The following CDT1 variants were observed in gnomAD, a reference collection of about 807,000 sequenced individuals.
The protein encoded by CDT1 is chromatin licensing and DNA replication factor 1.
In CDT1, 66 loss-of-function variants were observed where a neutral mutation model predicts 49.3. That is an observed-to-expected ratio of 1.34 (90% CI 1.10 to 1.64). The LOEUF (loss-of-function observed/expected upper bound fraction) is 1.64, where lower values mean the gene tolerates loss of function less well. Ranked by LOEUF, CDT1 falls within the 40% of genes most tolerant of loss-of-function variation. CDT1 has a pLI of 0.00. For synonymous variants in CDT1, 424 were observed against 347.4 expected, an observed-to-expected ratio of 1.22 and a Z score of -2.45; for missense variants, 958 against 807.7, an observed-to-expected ratio of 1.19 and a Z score of -2.26.
At chr16:88,804,475 TC>T (rs939266697) in intron 1 of CDT1, 69 bp from the exon 2 acceptor site, 2 of 1,571,240 alleles carry the variant, frequency 1.3e-6, no homozygotes, top group Admixed American at 3.6e-5. Context: ...TTCTGATCCT[TC>T]GGGGTCCTCT....
At chr16:88,806,370 G>A in intron 6 of CDT1, 116 bp from the exon 7 acceptor site, 1 of 1,277,926 alleles carries the variant, frequency 7.8e-7, no homozygotes. Flanking sequence ...ACTGGGCAGA[G>A]GCTGAGTGAC....
rs753386686 is a variant in CDT1, at chr16:88,806,523, C to T, written c.971C>T (p.Pro324Leu). Residue 324 changes from proline (P) to leucine (L), a missense_variant, in exon 7 of 10, where the codon CCG (proline) becomes CTG (leucine). By Grantham distance (98) the Pro-to-Leu change is moderately conservative. Coordinates refer to ENST00000301019, the MANE Select transcript of CDT1 (RefSeq NM_030928.4). ...TCCCTGAGCCCCGCCATGGTGGTGC[C>T]GGAGGACCAGCTGACCCGCTGGCAC... is the stretch of plus-strand genomic sequence containing the variant. ...LASLSPAMVV[P>L]EDQLTRWHPR... 1.8e-5 allele frequency: 29 copies of T among 1,610,724 alleles called. No homozygotes were observed. Among genetic ancestry groups the T allele is most frequent in the African/African-American group, 2.7e-5 (2 of 74,916 alleles).
At position 88,807,469 on chromosome 16, in the gene CDT1, T is replaced by C. The variant is rs1420838880; in HGVS notation, c.1464T>C (p.Thr488=). The C allele has an allele frequency of 6.2e-7, 1 of 1,612,936 alleles. No individual in the cohort carries two copies. Among genetic ancestry groups the C allele is most frequent in the African/African-American group, 1.3e-5 (1 of 74,936 alleles). The part of the protein sequence containing the change: ...ACARMVGSCC[T]IMSPGEMEKH... ...CCAGGATGGTGGGCAGCTGTTGTAC[T>C]ATCATGAGCCCTGGTACGTGCAGGG... The change falls in exon 9 of 10, where the codon ACT becomes ACC. Residue 488 remains threonine (T), a synonymous_variant. Coordinates refer to ENST00000301019, the MANE Select transcript of CDT1 (RefSeq NM_030928.4).
rs507329 is a variant in CDT1 at position 88,805,737 on chromosome 16, T to C, written c.700T>C (p.Cys234Arg). ...ATCCTCCCATAGGCGTTTTGAGGAG[T>C]GCAATGTTGGCCAGATCAAAACCGT... ...QDMMRRRFEECNVGQIKTVYP... is the reference protein window; with the variant it reads ...QDMMRRRFEERNVGQIKTVYP... Residue 234 changes from cysteine to arginine, a missense_variant, in exon 5 of 10, where the codon TGC becomes CGC. Physicochemically the swap from Cys to Arg is radical, Grantham distance 180. Coordinates refer to ENST00000301019, the MANE Select transcript of CDT1 (RefSeq NM_030928.4). 1,611,727 of 1,613,060 alleles carry C rather than the reference T, an allele frequency of 1. 805,199 individuals carry two copies. The highest frequency in any genetic ancestry group is 1 in the Middle Eastern group (6,058 of 6,058).
At chr16:88,806,941 C>G (rs894435948) in intron 7 of CDT1, 110 bp from the exon 8 acceptor site, 5 of 1,442,356 alleles carry the variant, frequency 3.5e-6, no homozygotes, top group Admixed American at 1.7e-5. Context: ...ACAGACCACC[C>G]AGTGTGCTGG....
chr16:88,805,882 T>A lies in CDT1; in HGVS notation c.832+13T>A. ...CTGCTGGAGCAGGGTGAGTGCTGGG[T>A]GCGGGACCTCGGTTTCCCCATCTGT... On this transcript the variant is annotated intron_variant, in intron 5 of 9. Transcript: ENST00000301019. 7 of 1,612,350 alleles carry A rather than the reference T, an allele frequency of 4.3e-6. No individual in the cohort carries two copies. Among genetic ancestry groups the A allele is most frequent in the Non-Finnish European group, 5.9e-6 (7 of 1,179,802 alleles).
In CDT1 at chr16:88,808,620, G is replaced by A. The variant is rs1255813162; in HGVS notation, c.*342G>A. 2.8e-6 allele frequency: 1 copy of A among 358,318 alleles called. No individual in the cohort carries two copies. The highest frequency in any genetic ancestry group is 2.1e-5 in the African/African-American group (1 of 47,994). 22.2% of individuals were successfully genotyped at this position (358,318 alleles called of 1,614,324 possible). On this transcript the variant is annotated 3_prime_UTR_variant, in exon 10 of 10. Transcript: ENST00000301019. ...GGGCTCTGTGGCAATATGGGGTTGG[G>A]TAGTGTGGGTGGCAGGCCATCCCCT... is the stretch of plus-strand genomic sequence containing the variant.
In CDT1 at chr16:88,804,879, G is replaced by T. The variant is rs748806867; in HGVS notation, c.469G>T (p.Gly157Cys). The T allele has an allele frequency of 6.3e-7, 1 of 1,588,942 alleles. No homozygotes were observed. The highest frequency in any genetic ancestry group is 2.3e-5 in the East Asian group (1 of 43,398). Residue 157 changes from glycine (G) to cysteine (C), a missense_variant, in exon 3 of 10, where the codon GGC becomes TGC. Transcript: ENST00000301019. The part of the protein sequence containing the change: ...AGESCTPEAE[G>C]RPEEPCGEKA... The stretch of plus-strand genomic sequence containing the variant: ...GGAGTCCTGCACCCCAGAGGCCGAG[G>T]GCCGCCCTGAGGAGCCATGGTGAGT...
chr16:88,804,490 G>T, intron 1 of CDT1, 55 bp from the exon 2 acceptor site: 1 of 1,591,812 alleles, frequency 6.3e-7, no homozygotes, highest in Non-Finnish European at 8.6e-7. Flanking sequence ...GTCCTCTGCA[G>T]AGCCAGGAGC....
At chr16:88,805,165 T>C (rs1415534249) in intron 3 of CDT1, among the ~76,000 whole-genome samples, 1 of 152,240 alleles carries the variant, frequency 6.6e-6, no homozygotes, top group Non-Finnish European at 1.5e-5. Flanking sequence ...TGTCTGCCTC[T>C]GCCCCTGAGA....
chr16:88,806,151 G>C (rs1249396136), intron 6 of CDT1, 30 bp downstream of exon 6: 1 of 1,535,210 alleles, frequency 6.5e-7, no homozygotes, highest in African/African-American at 1.4e-5. Context: ...GCTGTGTGAA[G>C]ATGGTGGCAC....
Position 88,805,723 on chromosome 16 carries a change from G to T in CDT1, c.687-1G>T. 1 of 1,612,940 alleles carries T rather than the reference G, an allele frequency of 6.2e-7. No homozygotes were observed. Among genetic ancestry groups the T allele is most frequent in the South Asian group, 1.1e-5 (1 of 91,086 alleles). The stretch of plus-strand genomic sequence containing the variant: ...CCTGAGCCGCCCCCATCCTCCCATA[G>T]GCGTTTTGAGGAGTGCAATGTTGGC... On this transcript the variant is annotated splice_acceptor_variant, in intron 4 of 9. Transcript: ENST00000301019. LOFTEE classifies it high-confidence loss of function.
At chr16:88,804,441 C>T in intron 1 of CDT1, 104 bp from the exon 2 acceptor site, 2 of 1,441,634 alleles carry the variant, frequency 1.4e-6, no homozygotes, top group Non-Finnish European at 9.5e-7. Context: ...CCAGCCATGC[C>T]CGTCCCAGTT....
At position 88,808,294 on chromosome 16, in the gene CDT1, T is replaced by G. The variant is rs746266376; in HGVS notation, c.*16T>G. 5 of 1,567,526 alleles carry G rather than the reference T, an allele frequency of 3.2e-6. No individual in the cohort carries two copies. The South Asian group carries it at 3.5e-5, about 11-fold the overall frequency. On this transcript the variant is annotated 3_prime_UTR_variant, in exon 10 of 10. Coordinates refer to ENST00000301019, the MANE Select transcript of CDT1 (RefSeq NM_030928.4). ...GGGGCTGTGAGCCTGGGGGCCACTGTGGACAGACGTGGGCTTCAGAAGCTC... is the reference window on the plus strand; with the variant it reads ...GGGGCTGTGAGCCTGGGGGCCACTGGGGACAGACGTGGGCTTCAGAAGCTC...
Position 88,804,052 on chromosome 16 carries a change from T to A in CDT1, c.221T>A (p.Val74Glu). ...PPARRRLRLS[V>E]DEVSSPSTPE... ...GCCCGCAGGAGACTGCGGCTGTCGGTGGACGAGGTGAGGGGCGTGGGGAGA... is the reference window on the plus strand; with the variant it reads ...GCCCGCAGGAGACTGCGGCTGTCGGAGGACGAGGTGAGGGGCGTGGGGAGA... The change falls in exon 1 of 10, where the codon GTG becomes GAG. Residue 74 changes from valine (V) to glutamate (E), a missense_variant. Val to Glu is a moderately radical substitution (Grantham distance 121). Coordinates refer to ENST00000301019, the MANE Select transcript of CDT1 (RefSeq NM_030928.4). 1 of 1,443,130 alleles carries A rather than the reference T, an allele frequency of 6.9e-7. No homozygotes were observed. The highest frequency in any genetic ancestry group is 2.9e-5 in the East Asian group (1 of 33,978). The allele number at this position is 1,443,130 out of a possible 1,614,324, so 89.4% of individuals were successfully genotyped here.
chr16:88,805,827 A>G lies in CDT1; in HGVS notation c.790A>G (p.Arg264Gly). The G allele has an allele frequency of 6.2e-7, 1 of 1,613,066 alleles. No individual in the cohort carries two copies. The highest frequency in any genetic ancestry group is 1.3e-5 in the African/African-American group (1 of 75,038). The change falls in exon 5 of 10, where the codon AGG becomes GGG. Residue 264 changes from arginine to glycine, a missense_variant. By Grantham distance (125) the Arg-to-Gly change is moderately radical. Coordinates refer to ENST00000301019, the MANE Select transcript of CDT1 (RefSeq NM_030928.4). Reference sequence around the variant, plus strand: ...CCCCACCTTCAAGGATGGCACCAGGAGGTCAGATTACCAGCTCACCATCGA... The same window carrying G: ...CCCCACCTTCAAGGATGGCACCAGGGGGTCAGATTACCAGCTCACCATCGA... Reference protein sequence around the residue: ...SVPTFKDGTRRSDYQLTIEPL... With the variant: ...SVPTFKDGTRGSDYQLTIEPL...
rs372920765 is a variant in CDT1, at chr16:88,806,684, C to T, written c.1122+10C>T. The T allele has an allele frequency of 7.5e-5, 119 of 1,590,092 alleles. No homozygotes were observed. Among genetic ancestry groups the T allele is most frequent in the East Asian group, 9.1e-5 (4 of 43,884 alleles). On this transcript the variant is annotated intron_variant, in intron 7 of 9. Transcript: ENST00000301019. ...CCTGATTTCACCCAGGGTGAGACTG[C>T]GAGGCTTGGGCAGCCCATTTCTCCC...
chr16:88,805,596 C>A lies in CDT1; in HGVS notation c.645C>A (p.Thr215=), dbSNP rs551760059. ...TCCACAACCGCTCCGAGACGCCCAC[C>A]TTTGCCAAGGTCCAGCGGGGCGTCC... is the stretch of plus-strand genomic sequence containing the variant. The part of the protein sequence containing the change: ...GMLHNRSETP[T]FAKVQRGVQD... Residue 215 remains threonine, a synonymous_variant, in exon 4 of 10, where the codon ACC becomes ACA. Coordinates refer to ENST00000301019, the MANE Select transcript of CDT1 (RefSeq NM_030928.4). 17 of 1,612,832 alleles carry A rather than the reference C, an allele frequency of 1.1e-5. No homozygotes were observed. In the East Asian group the frequency reaches 3.8e-4, roughly 36 times the overall value.
Position 88,808,778 on chromosome 16 carries a change from C to T in CDT1, c.*500C>T, listed in dbSNP as rs531984886. The T allele has an allele frequency of 1.8e-4, 30 of 166,022 alleles. No individual in the cohort carries two copies. The South Asian group carries it at 2.1e-3, about 12-fold the overall frequency. The allele number at this position is 166,022 out of a possible 1,614,324, so 10.3% of individuals were successfully genotyped here. On this transcript the variant is annotated 3_prime_UTR_variant, in exon 10 of 10. Transcript: ENST00000301019. Reference sequence around the variant, plus strand: ...TTGGGAGGCCAAGGTGGGCAGATCACGAGGTCAAGAGATCGAGACCATCCT... The same window carrying T: ...TTGGGAGGCCAAGGTGGGCAGATCATGAGGTCAAGAGATCGAGACCATCCT...
Sources: allele counts gnomAD v4.1 joint callset (sites outside exome capture counted in the v4.1 genomes callset), GRCh38; gene constraint gnomAD v4.1.1; transcripts MANE v1.5; gene names NCBI Gene and HGNC (gene_info 2026-07-23, HGNC 2026-07-21).